The following TXNL4B variants were observed in gnomAD, a reference collection of about 807,000 sequenced individuals.
TXNL4B encodes thioredoxin-like protein 4B.
TXNL4B carries 12 observed loss-of-function variants against 13.0 expected under a neutral mutation model. The observed-to-expected ratio is 0.92, with a 90% CI of 0.59 to 1.49. The LOEUF (loss-of-function observed/expected upper bound fraction) is 1.49, where lower values mean the gene tolerates loss of function less well. Among genes scored for constraint, TXNL4B ranks in the 40% most tolerant of loss-of-function variants. The pLI is 0.00. For missense variants in TXNL4B, 214 were observed against 173.6 expected (o/e 1.23, Z -1.31); for synonymous variants, 59 against 58.9 (o/e 1.00, Z -0.01).
chr16:72,089,989 A>G lies in TXNL4B; in HGVS notation c.132+629T>C, dbSNP rs1249863278. ...ACCTCTGTGGTATTTCCTCCTGCTTATGACTGAGGGTAGAATCCTCTGGTC... is the reference window on the plus strand; with the variant it reads ...ACCTCTGTGGTATTTCCTCCTGCTTGTGACTGAGGGTAGAATCCTCTGGTC... On this transcript the variant is annotated intron_variant, in intron 2 of 3. Coordinates refer to ENST00000268483, the MANE Select transcript of TXNL4B (RefSeq NM_017853.3). 5 of 423,512 alleles carry G rather than the reference A, an allele frequency of 1.2e-5. No homozygotes were observed. In the East Asian group the frequency reaches 3.5e-4, roughly 30 times the overall value. The allele number at this position is 423,512 out of a possible 1,614,324, so 26.2% of individuals were successfully genotyped here.
chr16:72,090,221 T>C lies in TXNL4B; in HGVS notation c.132+397A>G, dbSNP rs1167310438. ...AGCTACAGAAAACTGAGTTCAAATC[T>C]CAACTCTGCAATATAGTGGATCTGC... On this transcript the variant is annotated intron_variant, in intron 2 of 3. Transcript: ENST00000268483. 4.1e-5 allele frequency: 19 copies of C among 457,854 alleles called. No homozygotes were observed. In the Middle Eastern group the frequency reaches 9.8e-4, roughly 24 times the overall value. The allele number at this position is 457,854 out of a possible 1,614,324, so 28.4% of individuals were successfully genotyped here.
Position 72,085,176 on chromosome 16 carries a change from C to T in TXNL4B, c.*1461G>A, listed in dbSNP as rs970245405. 6 of 395,964 alleles carry T rather than the reference C, an allele frequency of 1.5e-5. No individual in the cohort carries two copies. Among genetic ancestry groups the T allele is most frequent in the African/African-American group, 1.2e-4 (6 of 48,592 alleles). The allele number at this position is 395,964 out of a possible 1,614,324, so 24.5% of individuals were successfully genotyped here. On this transcript the variant is annotated 3_prime_UTR_variant, in exon 4 of 4. Coordinates refer to ENST00000268483, the MANE Select transcript of TXNL4B (RefSeq NM_017853.3). ...AGTGCCTGGCAGCCTTCCCTCTCTC[C>T]TGTATGAGCCAAAAGCAAGACTCAT...
intron 1 of TXNL4B, among the ~76,000 whole-genome samples, chr16:72,092,217 T>C (rs1301830496): frequency 6.6e-6 from 1 of 152,226 alleles, no homozygotes; most frequent in African/African-American, 2.4e-5. Flanking sequence ...GAGACCAGCC[T>C]GGCCAACATG....
In TXNL4B at chr16:72,089,108, T is replaced by A. The variant is rs141095072; in HGVS notation, c.163A>T (p.Met55Leu). The A allele has an allele frequency of 7.5e-4, 1,207 of 1,612,730 alleles. 11 individuals are homozygous for A. In the Admixed American group the frequency reaches 0.019, roughly 25 times the overall value. Residue 55 changes from methionine (M) to leucine (L), a missense_variant, in exon 3 of 4, where the codon ATG becomes TTG. By Grantham distance (15) the Met-to-Leu change is conservative (BLOSUM62 2). Coordinates refer to ENST00000268483, the MANE Select transcript of TXNL4B (RefSeq NM_017853.3). The stretch of plus-strand genomic sequence containing the variant: ...ACATCTACCAGGTATATAGCAGCCA[T>A]TTTACTTAAGTCAGAAGAGGTCTTA... ...LSKTSSDLSK[M>L]AAIYLVDVDQ...
intron 1 of TXNL4B, among the ~76,000 whole-genome samples, chr16:72,091,324 A>C (rs575463974): frequency 6.9e-6 from 1 of 145,562 alleles, no homozygotes; most frequent in Non-Finnish European, 1.5e-5. Context: ...TGGAGAGGAC[A>C]GTGTATAGGA....
intron 3 of TXNL4B, chr16:72,087,559 A>T (rs2144098493): frequency 6.6e-6 from 1 of 152,352 alleles, no homozygotes; most frequent in South Asian, 2.1e-4. Flanking sequence ...TATTTGATAC[A>T]TAATGTTGAA....
chr16:72,093,024 C>T (rs2041938729), intron 1 of TXNL4B, among the ~76,000 whole-genome samples: 1 of 152,000 alleles, frequency 6.6e-6, no homozygotes, highest in Non-Finnish European at 1.5e-5. Flanking sequence ...TTTTCTGAGG[C>T]GGGGTTTCGC....
At chr16:72,087,293 A>G (rs979540679) in intron 3 of TXNL4B, 1 of 152,624 alleles carries the variant, frequency 6.6e-6, no homozygotes, top group African/African-American at 2.4e-5. Context: ...GGATGAGGCC[A>G]GAGGTCACTT....
intron 3 of TXNL4B, 101 bp from the exon 4 acceptor site, chr16:72,086,903 C>A: frequency 7.4e-6 from 7 of 941,802 alleles, no homozygotes; most frequent in East Asian, 2.6e-5. Context: ...TTGTTATTTT[C>A]TTCTTGTCAA....
chr16:72,085,141 G>C lies in TXNL4B; in HGVS notation c.*1496C>G, dbSNP rs528175056. 2.5e-6 allele frequency: 1 copy of C among 397,398 alleles called. No individual in the cohort carries two copies. Among genetic ancestry groups the C allele is most frequent in the Admixed American group, 4.4e-5 (1 of 22,700 alleles). 24.6% of individuals were successfully genotyped at this position (397,398 alleles called of 1,614,324 possible). A position where few individuals can be genotyped will look rare whatever the true frequency, so the allele number is the denominator to read the frequency against. ...AGTGACTCCCTCCTCTTATCAGCAG[G>C]GATACAAGCAGTGCCTGGCAGCCTT... On this transcript the variant is annotated 3_prime_UTR_variant, in exon 4 of 4. Coordinates refer to ENST00000268483, the MANE Select transcript of TXNL4B (RefSeq NM_017853.3).
In TXNL4B at chr16:72,086,744, A is replaced by T. The variant is rs774413869; in HGVS notation, c.343T>A (p.Leu115Met). The stretch of plus-strand genomic sequence containing the variant: ...GCTCCTCGATAGATTACTTCAATCA[A>T]ATCTATGAAGTCTTGTTTGGTTTTG... ...SFKTKQDFID[L>M]IEVIYRGAMR... The change falls in exon 4 of 4, where the codon TTG becomes ATG. Residue 115 changes from leucine (L) to methionine (M), a missense_variant. Leu to Met is a conservative substitution (Grantham distance 15, BLOSUM62 2). Coordinates refer to ENST00000268483, the MANE Select transcript of TXNL4B (RefSeq NM_017853.3). 1 of 1,613,628 alleles carries T rather than the reference A, an allele frequency of 6.2e-7. No individual in the cohort carries two copies. Among genetic ancestry groups the T allele is most frequent in the Admixed American group, 1.7e-5 (1 of 60,028 alleles).
intron 3 of TXNL4B, 70 bp downstream of exon 3, chr16:72,088,917 G>C: frequency 8.0e-7 from 1 of 1,250,654 alleles, no homozygotes; most frequent in Admixed American, 1.9e-5. Context: ...ATGGAAATAG[G>C]CAAGCTACTG....
At chr16:72,089,729 T>A (rs1456494414) in intron 2 of TXNL4B, among the ~76,000 whole-genome samples, 1 of 152,240 alleles carries the variant, frequency 6.6e-6, no homozygotes, top group Non-Finnish European at 1.5e-5. Context: ...CGATAATTAG[T>A]AGCAGACACT....
chr16:72,089,383 G>T (rs572465444), intron 2 of TXNL4B, among the ~76,000 whole-genome samples: 1 of 152,270 alleles, frequency 6.6e-6, no homozygotes, highest in South Asian at 2.1e-4. Context: ...GGGGAAAACT[G>T]TGTGAGGTTA....
In TXNL4B at chr16:72,085,385, T is replaced by C; in HGVS notation, c.*1252A>G. On this transcript the variant is annotated 3_prime_UTR_variant, in exon 4 of 4. Coordinates refer to ENST00000268483, the MANE Select transcript of TXNL4B (RefSeq NM_017853.3). ...CTCTGCACCTACCCTCTCCTTCTAA[T>C]AAATCTGTTTCAATAACCACCACGA... The C allele has an allele frequency of 5.1e-6, 1 of 197,680 alleles. No homozygotes were observed. The highest frequency in any genetic ancestry group is 1.0e-5 in the Non-Finnish European group (1 of 98,730). 12.2% of individuals were successfully genotyped at this position (197,680 alleles called of 1,614,324 possible). A position where few individuals can be genotyped will look rare whatever the true frequency, so the allele number is the denominator to read the frequency against.
intron 1 of TXNL4B, among the ~76,000 whole-genome samples, chr16:72,092,003 G>C (rs1355075106): frequency 6.6e-6 from 1 of 152,204 alleles, no homozygotes; most frequent in African/African-American, 2.4e-5. Context: ...TGACAAAGAA[G>C]CTTAGTTTTG....
Position 72,085,215 on chromosome 16 carries a change from G to A in TXNL4B, c.*1422C>T, listed in dbSNP as rs1222862199. ...AGCAAGACTCATGGCACCCCTCCCT[G>A]CAGGAAAGGGGTGGAATGGAGCCCC... is the stretch of plus-strand genomic sequence containing the variant. On this transcript the variant is annotated 3_prime_UTR_variant, in exon 4 of 4. Coordinates refer to ENST00000268483, the MANE Select transcript of TXNL4B (RefSeq NM_017853.3). 4 of 388,648 alleles carry A rather than the reference G, an allele frequency of 1.0e-5. No homozygotes were observed. Among genetic ancestry groups the A allele is most frequent in the African/African-American group, 2.1e-5 (1 of 48,396 alleles). 24.1% of individuals were successfully genotyped at this position (388,648 alleles called of 1,614,324 possible). A position where few individuals can be genotyped will look rare whatever the true frequency, so the allele number is the denominator to read the frequency against.
At position 72,085,283 on chromosome 16, in the gene TXNL4B, C is replaced by A. The variant is rs2041806593; in HGVS notation, c.*1354G>T. The A allele has an allele frequency of 1.5e-5, 5 of 330,110 alleles. No individual in the cohort carries two copies. In the East Asian group the frequency reaches 2.3e-4, roughly 15 times the overall value. The allele number at this position is 330,110 out of a possible 1,614,324, so 20.4% of individuals were successfully genotyped here. Reference sequence around the variant, plus strand: ...CTTGCAGTGACAGTGCTGCTCTGAACAGGACTAGGCTTCTGTTGGAGAGGT... The same window carrying A: ...CTTGCAGTGACAGTGCTGCTCTGAAAAGGACTAGGCTTCTGTTGGAGAGGT... On this transcript the variant is annotated 3_prime_UTR_variant, in exon 4 of 4. Transcript: ENST00000268483.
rs2041811119 is a variant in TXNL4B, at chr16:72,085,603, G to T, written c.*1034C>A. On this transcript the variant is annotated 3_prime_UTR_variant, in exon 4 of 4. Transcript: ENST00000268483. ...CTCAGGAAGAGGCAGCAGCTTCTGG[G>T]AAAAATCTGCTCCTGCTAAGGTGGC... The T allele has an allele frequency of 6.6e-6, 1 of 152,160 alleles. No homozygotes were observed. The allele number at this position is 152,160 out of a possible 1,614,324, so 9.4% of individuals were successfully genotyped here. A position where few individuals can be genotyped will look rare whatever the true frequency, so the allele number is the denominator to read the frequency against.
Sources: gnomAD v4.1 joint callset for allele counts (sites outside exome capture counted in the v4.1 genomes callset) on GRCh38, gnomAD v4.1.1 for gene constraint, MANE v1.5 for transcripts, NCBI Gene and HGNC (gene_info 2026-07-23, HGNC 2026-07-21) for gene names.